The following ITPRID2 variants were observed in gnomAD, a reference collection of about 807,000 sequenced individuals.
ITPRID2 encodes ITPR interacting domain containing 2, also known as protein ITPRID2.
ITPRID2 carries 60 observed loss-of-function variants against 124.3 expected under a neutral mutation model. That is an observed-to-expected ratio of 0.48 (90% CI 0.39 to 0.60). The LOEUF is 0.60. Ranked by LOEUF, ITPRID2 falls within the 20% of genes least tolerant of loss-of-function variation. The pLI is 0.00. For synonymous variants in ITPRID2, 521 were observed against 542.9 expected, an observed-to-expected ratio of 0.96 and a Z score of 0.56; for missense variants, 1,553 against 1,512.2, an observed-to-expected ratio of 1.03 and a Z score of -0.45.
Position 181,891,804 on chromosome 2 carries a change from T to C in ITPRID2, c.-263T>C, listed in dbSNP as rs1404435370. 9.8e-6 allele frequency: 3 copies of C among 306,304 alleles called. No individual in the cohort carries two copies. The highest frequency in any genetic ancestry group is 1.8e-5 in the Non-Finnish European group (3 of 168,268). 19.0% of individuals were successfully genotyped at this position (306,304 alleles called of 1,614,324 possible). ...AGCAGGGGCCGGGCGGGCGCTCGGC[T>C]CCCAGCCGCGCTCCCTCGGGCCACT... On this transcript the variant is annotated 5_prime_UTR_variant, in exon 1 of 18. Coordinates refer to ENST00000431877, the MANE Select transcript of ITPRID2 (RefSeq NM_001130445.3).
Position 181,902,384 on chromosome 2 carries a change from A to C in ITPRID2, c.1331A>C (p.Glu444Ala). Residue 444 changes from glutamate (E) to alanine (A), a missense_variant, in exon 8 of 18, where the codon GAA becomes GCA. By Grantham distance (107) the Glu-to-Ala change is moderately radical (BLOSUM62 -1). Coordinates refer to ENST00000431877, the MANE Select transcript of ITPRID2 (RefSeq NM_001130445.3). The surrounding 1 kb of genome is among the most constrained non-coding windows in gnomAD (Gnocchi z 4.4). ...AAAAGTGTCCATATATCCACACCTG[A>C]AAAAGAGCCTTGTGCACCACTGACA... ...ELKSVHISTP[E>A]KEPCAPLTIP... 6.2e-7 allele frequency: 1 copy of C among 1,613,754 alleles called. No homozygotes were observed. The highest frequency in any genetic ancestry group is 1.1e-5 in the South Asian group (1 of 91,000).
chr2:181,909,990 A>T lies in ITPRID2; in HGVS notation c.1486+19A>T. Reference sequence around the variant, plus strand: ...AAAAGAGGTAAGTGGACCAGTATCCACTAGTTCTGAGCACATTATCAAATA... The same window carrying T: ...AAAAGAGGTAAGTGGACCAGTATCCTCTAGTTCTGAGCACATTATCAAATA... On this transcript the variant is annotated intron_variant, in intron 9 of 17. Coordinates refer to ENST00000431877, the MANE Select transcript of ITPRID2 (RefSeq NM_001130445.3). 1 of 1,585,174 alleles carries T rather than the reference A, an allele frequency of 6.3e-7. No individual in the cohort carries two copies. Among genetic ancestry groups the T allele is most frequent in the Non-Finnish European group, 8.7e-7 (1 of 1,154,808 alleles).
chr2:181,891,919 CCCTCCTCCTCCTCCT>C lies in ITPRID2; in HGVS notation c.-139_-125del. ...TTCCTTCCCTCCCTCCCTCCCTGTC[CCCTCCTCCTCCTCCT>C]CCTCCTCCGGCGCCCGCTTCAGCTC... On this transcript the variant is annotated 5_prime_UTR_variant, in exon 1 of 18. Coordinates refer to ENST00000431877, the MANE Select transcript of ITPRID2 (RefSeq NM_001130445.3). 5.3e-6 allele frequency: 3 copies of C among 563,196 alleles called. No individual in the cohort carries two copies. The South Asian group carries it at 6.4e-5, about 12-fold the overall frequency. The allele number at this position is 563,196 out of a possible 1,614,324, so 34.9% of individuals were successfully genotyped here.
chr2:181,915,667 T>G lies in ITPRID2; in HGVS notation c.2027T>G (p.Met676Arg), dbSNP rs377226822. Reference protein sequence around the residue: ...LASIEAKCSDMSSENTTGPPS... With the variant: ...LASIEAKCSDRSSENTTGPPS... ...TCTATTGAAGCTAAATGCAGTGATA[T>G]GAGCTCTGAAAATACAACTGGGCCT... The change falls in exon 11 of 18, where the codon ATG becomes AGG. Residue 676 changes from methionine (M) to arginine (R), a missense_variant. By Grantham distance (91) the Met-to-Arg change is moderately conservative. Coordinates refer to ENST00000431877, the MANE Select transcript of ITPRID2 (RefSeq NM_001130445.3). The G allele has an allele frequency of 6.2e-7, 1 of 1,614,210 alleles. No individual in the cohort carries two copies. Among genetic ancestry groups the G allele is most frequent in the Non-Finnish European group, 8.5e-7 (1 of 1,180,036 alleles).
chr2:181,906,214 T>G (rs1693098870), intron 8 of ITPRID2, among the ~76,000 whole-genome samples: 1 of 152,164 alleles, frequency 6.6e-6, no homozygotes, highest in African/African-American at 2.4e-5. Context: ...CATTTGATAT[T>G]GTTTTATAGC....
At position 181,919,803 on chromosome 2, in the gene ITPRID2, C is replaced by G. The variant is rs1258831878; in HGVS notation, c.3144+357C>G. On this transcript the variant is annotated intron_variant, in intron 14 of 17. Coordinates refer to ENST00000431877, the MANE Select transcript of ITPRID2 (RefSeq NM_001130445.3). This position sits in a 1 kb window ranked among gnomAD's most constrained non-coding sequence, Gnocchi z 4.2. ...GCAGAGAACACAGATGCATATTTTGCTGTTTTTTTTTCTTTCATGCCTTTA... is the reference window on the plus strand; with the variant it reads ...GCAGAGAACACAGATGCATATTTTGGTGTTTTTTTTTCTTTCATGCCTTTA... 6.6e-6 allele frequency among the ~76,000 whole-genome samples: 1 copy of G among 151,318 alleles called. No individual in the cohort carries two copies. Among genetic ancestry groups the G allele is most frequent in the Non-Finnish European group, 1.5e-5 (1 of 67,850 alleles).
chr2:181,892,968 TTC>T lies in ITPRID2; in HGVS notation c.257+311_257+312del. ...TTTGTTCTGTTTTTATTTGAAAGAA[TTC>T]TCACATCTCGAACAGGATATTTTGT... On this transcript the variant is annotated intron_variant, in intron 2 of 17. Transcript: ENST00000431877. The surrounding 1 kb of genome is among the most constrained non-coding windows in gnomAD (Gnocchi z 5.2). 1 of 472,598 alleles carries T rather than the reference TTC, an allele frequency of 2.1e-6. No homozygotes were observed. Among genetic ancestry groups the T allele is most frequent in the East Asian group, 3.3e-5 (1 of 30,276 alleles). The allele number at this position is 472,598 out of a possible 1,614,324, so 29.3% of individuals were successfully genotyped here.
At chr2:181,911,620 A>G (rs977940513) in intron 9 of ITPRID2, among the ~76,000 whole-genome samples, 1 of 152,142 alleles carries the variant, frequency 6.6e-6, no homozygotes, top group Non-Finnish European at 1.5e-5. Context: ...ATTAGAAATC[A>G]TATATTGTAT....
intron 7 of ITPRID2, 141 bp from the exon 8 acceptor site, chr2:181,901,624 GT>G: frequency 1.8e-6 from 1 of 558,374 alleles, no homozygotes. Flanking sequence ...AGGTTTAAGT[GT>G]TAGATGAGGA....
chr2:181,897,530 T>G (rs1267547215), intron 4 of ITPRID2, among the ~76,000 whole-genome samples: 2 of 151,958 alleles, frequency 1.3e-5, no homozygotes, highest in Admixed American at 6.6e-5. Context: ...ATTTAAAAGT[T>G]TTTACAAGTT....
chr2:181,891,842 C>CT lies in ITPRID2; in HGVS notation c.-225_-224insT, dbSNP rs1270462706. 6.0e-6 allele frequency: 1 copy of CT among 167,956 alleles called. No individual in the cohort carries two copies. The highest frequency in any genetic ancestry group is 3.3e-4 in the Admixed American group (1 of 3,076). The allele number at this position is 167,956 out of a possible 1,614,324, so 10.4% of individuals were successfully genotyped here. A position where few individuals can be genotyped will look rare whatever the true frequency, so the allele number is the denominator to read the frequency against. On this transcript the variant is annotated 5_prime_UTR_variant, in exon 1 of 18. Coordinates refer to ENST00000431877, the MANE Select transcript of ITPRID2 (RefSeq NM_001130445.3). ...CCCTCGGGCCACTAGCGCTCCCGCGCGCGCCCGGCCGCCTTCATGTGAAGC... is the reference window on the plus strand; with the variant it reads ...CCCTCGGGCCACTAGCGCTCCCGCGCTGCGCCCGGCCGCCTTCATGTGAAGC...
rs768084327 is a variant in ITPRID2, at chr2:181,913,832, T to A, written c.1487-13T>A. ...ATCATCTGTTTCTTATAGCCACATT[T>A]TTTTATTCATAGATCATCTGTTACG... On this transcript the variant is annotated splice_polypyrimidine_tract_variant and intron_variant, in intron 9 of 17. Transcript: ENST00000431877. 6.3e-7 allele frequency: 1 copy of A among 1,597,924 alleles called. No individual in the cohort carries two copies. The highest frequency in any genetic ancestry group is 1.1e-5 in the South Asian group (1 of 88,132).
At chr2:181,925,050 G>A (rs1014734391) in intron 16 of ITPRID2, among the ~76,000 whole-genome samples, 1 of 152,224 alleles carries the variant, frequency 6.6e-6, no homozygotes, top group African/African-American at 2.4e-5. Flanking sequence ...TGTGTTTAGA[G>A]AGTTATTTGT....
At position 181,899,008 on chromosome 2, in the gene ITPRID2, T is replaced by A. The variant is rs1366945433; in HGVS notation, c.405-6T>A. The A allele has an allele frequency of 6.2e-7, 1 of 1,606,534 alleles. No individual in the cohort carries two copies. Among genetic ancestry groups the A allele is most frequent in the African/African-American group, 1.3e-5 (1 of 74,364 alleles). On this transcript the variant is annotated splice_polypyrimidine_tract_variant and splice_region_variant and intron_variant, in intron 5 of 17. Transcript: ENST00000431877. Reference sequence around the variant, plus strand: ...AAAGTTTTATATAATCTGATTTTGTTCGTAGCAATAATATCTTGGCCAAAG... The same window carrying A: ...AAAGTTTTATATAATCTGATTTTGTACGTAGCAATAATATCTTGGCCAAAG...
In ITPRID2 at chr2:181,892,612, C is replaced by G; in HGVS notation, c.212-3C>G. On this transcript the variant is annotated splice_polypyrimidine_tract_variant and splice_region_variant and intron_variant, in intron 1 of 17. Transcript: ENST00000431877. The surrounding 1 kb of genome is among the most constrained non-coding windows in gnomAD (Gnocchi z 5.2). ...ACGTGCTGTCCCCTCTCTCTACCCC[C>G]AGGAAACGTGCCCAACGAGAAGATC... The G allele has an allele frequency of 6.2e-7, 1 of 1,614,128 alleles. No individual in the cohort carries two copies. Among genetic ancestry groups the G allele is most frequent in the Non-Finnish European group, 8.5e-7 (1 of 1,180,006 alleles).
intron 9 of ITPRID2, among the ~76,000 whole-genome samples, chr2:181,911,042 T>G (rs1322930280): frequency 6.6e-6 from 1 of 152,204 alleles, no homozygotes; most frequent in Non-Finnish European, 1.5e-5. Flanking sequence ...AAAATTACTT[T>G]AAGGTGTTTT....
intron 16 of ITPRID2, among the ~76,000 whole-genome samples, chr2:181,922,638 C>CT (rs1694564631): frequency 1.3e-5 from 2 of 152,200 alleles, no homozygotes; most frequent in Admixed American, 1.3e-4. Context: ...TTACAATTCT[C>CT]TGTGTTCAGT....
chr2:181,929,525 A>G (rs766597974), intron 17 of ITPRID2, 36 bp from the exon 18 acceptor site: 1 of 1,453,408 alleles, frequency 6.9e-7, no homozygotes, highest in Non-Finnish European at 9.6e-7. Context: ...AGTATTTGAA[A>G]GAGGTTTAAA....
At chr2:181,900,357 A>G (rs1195981543) in intron 6 of ITPRID2, among the ~76,000 whole-genome samples, 3 of 152,074 alleles carry the variant, frequency 2.0e-5, no homozygotes, top group Non-Finnish European at 4.4e-5. Context: ...ATTCTTCATC[A>G]TCTGTCTTCT....
Sources: gnomAD v4.1 joint callset for allele counts (sites outside exome capture counted in the v4.1 genomes callset) on GRCh38, gnomAD v4.1.1 for gene constraint, Gnocchi (gnomAD v3.1) non-coding constraint, MANE v1.5 for transcripts, NCBI Gene and HGNC (gene_info 2026-07-23, HGNC 2026-07-21) for gene names.